The following NRXN3 variants were observed in gnomAD, a reference collection of about 807,000 sequenced individuals.
NRXN3 encodes neurexin 3.
A neutral mutation model predicts 137.6 loss-of-function variants in NRXN3; 32 were observed. The ratio of observed to expected loss-of-function variants is 0.23; its 90% CI spans 0.18 to 0.31. The LOEUF (loss-of-function observed/expected upper bound fraction) is 0.31, where lower values mean the gene tolerates loss of function less well. NRXN3 is among the 10% of genes least tolerant of loss of function. NRXN3 has a pLI of 1.00. For synonymous variants in NRXN3, 798 were observed against 784.5 expected, an observed-to-expected ratio of 1.02 and a Z score of -0.29; for missense variants, 1,574 against 2,062.5, an observed-to-expected ratio of 0.76 and a Z score of 4.59.
intron 15 of NRXN3, among the ~76,000 whole-genome samples, chr14:79,353,161 A>G (rs1248625131): frequency 6.6e-6 from 1 of 152,038 alleles, no homozygotes; most frequent in Non-Finnish European, 1.5e-5. Flanking sequence ...TATTCTAATA[A>G]TCTCACTTTC....
chr14:78,414,324 T>G (rs976205924), intron 4 of NRXN3, among the ~76,000 whole-genome samples: 1 of 152,128 alleles, frequency 6.6e-6, no homozygotes, highest in Admixed American at 6.5e-5. Flanking sequence ...TTATTGACAC[T>G]GAAGTGTTGT....
At chr14:79,845,224 T>C (rs556996231) in intron 20 of NRXN3, among the ~76,000 whole-genome samples, 1 of 152,220 alleles carries the variant, frequency 6.6e-6, no homozygotes, top group East Asian at 1.9e-4. Context: ...CTAAAATATT[T>C]TCCATATCAG....
intron 11 of NRXN3, among the ~76,000 whole-genome samples, chr14:78,960,598 T>A (rs1362608786): frequency 6.6e-6 from 1 of 152,220 alleles, no homozygotes; most frequent in East Asian, 1.9e-4. Context: ...TTAATAATAA[T>A]TGATTGATCT....
chr14:78,670,659 G>T (rs1326969952), intron 6 of NRXN3, among the ~76,000 whole-genome samples: 1 of 152,228 alleles, frequency 6.6e-6, no homozygotes, highest in African/African-American at 2.4e-5. Context: ...CAGTGTTGCT[G>T]GAGTAATGTA....
At chr14:79,841,303 T>C (rs1485705536) in intron 20 of NRXN3, among the ~76,000 whole-genome samples, 1 of 152,066 alleles carries the variant, frequency 6.6e-6, no homozygotes, top group Non-Finnish European at 1.5e-5. Context: ...TTGCAAGAAA[T>C]GGTGAGTTTT....
At chr14:79,219,324 T>C (rs1485329161) in intron 15 of NRXN3, among the ~76,000 whole-genome samples, 1 of 152,096 alleles carries the variant, frequency 6.6e-6, no homozygotes, top group Non-Finnish European at 1.5e-5. Flanking sequence ...AGAGACAGGG[T>C]CTTGCTATGT....
intron 15 of NRXN3, among the ~76,000 whole-genome samples, chr14:79,197,975 G>C (rs1003023351): frequency 6.6e-6 from 1 of 152,140 alleles, no homozygotes; most frequent in African/African-American, 2.4e-5. Flanking sequence ...ACCAGGAGTA[G>C]ATTCCATCTG....
chr14:78,858,926 A>G (rs984111051), intron 10 of NRXN3, among the ~76,000 whole-genome samples: 4 of 152,032 alleles, frequency 2.6e-5, no homozygotes, highest in Admixed American at 1.3e-4. Context: ...GTATTCCTAC[A>G]TTTTTCACAG....
chr14:79,566,091 G>A lies in NRXN3; in HGVS notation c.3445-97687G>A, dbSNP rs544795780. ...GAATGCATCTGTATGTCCCAGCTGT[G>A]TGGCTTCTGAGCCTGACACCCCTGT... On this transcript the variant is annotated intron_variant, in intron 16 of 20. Transcript: ENST00000335750. 1.2e-3 allele frequency among the ~76,000 whole-genome samples: 179 copies of A among 152,204 alleles called. 3 individuals are homozygous for A. Among genetic ancestry groups the A allele is most frequent in the Non-Finnish European group, 1.8e-3 (120 of 67,978 alleles).
At chr14:78,556,938 GT>G (rs1293078713) in intron 4 of NRXN3, among the ~76,000 whole-genome samples, 1 of 52,178 alleles carries the variant, frequency 1.9e-5, no homozygotes, top group Non-Finnish European at 3.4e-5. Flanking sequence ...TCCCCTGCCT[GT>G]CCCCTCCTTC....
At chr14:78,709,867 C>A (rs548615120) in intron 7 of NRXN3, 7 of 560,756 alleles carry the variant, frequency 1.2e-5, no homozygotes, top group African/African-American at 3.8e-5. Context: ...TCACTCACTG[C>A]GCAATTGTCT....
At chr14:78,378,748 A>C (rs2153628407) in intron 4 of NRXN3, among the ~76,000 whole-genome samples, 1 of 152,312 alleles carries the variant, frequency 6.6e-6, no homozygotes, top group Admixed American at 6.5e-5. Context: ...GTAAGTCCAA[A>C]GAAAGCAGAA....
rs149124772 is a variant in NRXN3, at chr14:79,227,225, G to A, written c.3262+239084G>A. Reference sequence around the variant, plus strand: ...GAGCACTTCGTAGGTACCTGGCGTTGTTCTAGACACTGGAAACAGACCACT... The same window carrying A: ...GAGCACTTCGTAGGTACCTGGCGTTATTCTAGACACTGGAAACAGACCACT... On this transcript the variant is annotated intron_variant, in intron 15 of 20. Transcript: ENST00000335750. Among the ~76,000 whole-genome samples the A allele has an allele frequency of 4.7e-3, 709 of 152,204 alleles. 5 individuals carry two copies. Among genetic ancestry groups the A allele is most frequent in the African/African-American group, 6.0e-3 (248 of 41,534 alleles).
intron 4 of NRXN3, among the ~76,000 whole-genome samples, chr14:78,554,661 A>C (rs924466965): frequency 6.6e-6 from 1 of 152,152 alleles, no homozygotes; most frequent in African/African-American, 2.4e-5. Context: ...TGTGATTCCA[A>C]ATCTCAAGCA....
chr14:79,779,863 G>A (rs915867756), intron 19 of NRXN3, among the ~76,000 whole-genome samples: 2 of 152,046 alleles, frequency 1.3e-5, no homozygotes, highest in Non-Finnish European at 2.9e-5. Context: ...AGGCTCCTCT[G>A]TAATTTTATT....
chr14:79,168,269 G>C (rs1182932570), intron 15 of NRXN3, among the ~76,000 whole-genome samples: 1 of 151,960 alleles, frequency 6.6e-6, no homozygotes, highest in African/African-American at 2.4e-5. Flanking sequence ...CTACAAAATG[G>C]CTTTCTTGCC....
chr14:78,661,073 A>G (rs760364785), intron 6 of NRXN3, among the ~76,000 whole-genome samples: 39 of 152,236 alleles, frequency 2.6e-4, no homozygotes, highest in Non-Finnish European at 4.6e-4. Flanking sequence ...TGAATAAAGA[A>G]GGTTCCTAAA....
intron 10 of NRXN3, among the ~76,000 whole-genome samples, chr14:78,810,699 C>A (rs2098907448): frequency 6.6e-6 from 1 of 152,160 alleles, no homozygotes; most frequent in African/African-American, 2.4e-5. Context: ...AGCTTTAGGG[C>A]AACCAGCATG....
intron 15 of NRXN3, among the ~76,000 whole-genome samples, chr14:79,387,036 G>A (rs1228761819): frequency 6.6e-6 from 1 of 152,090 alleles, no homozygotes; most frequent in African/African-American, 2.4e-5. Flanking sequence ...CAGGACATAG[G>A]CATGGGCAAG....
Sources: allele counts gnomAD v4.1 joint callset (sites outside exome capture counted in the v4.1 genomes callset), GRCh38; gene constraint gnomAD v4.1.1; transcripts MANE v1.5; gene names NCBI Gene and HGNC (gene_info 2026-07-23, HGNC 2026-07-21).